The following INSIG2 variants were observed in gnomAD, a reference collection of about 807,000 sequenced individuals.
INSIG2 encodes the protein insulin induced gene 2.
In INSIG2, 10 loss-of-function variants were observed where a neutral mutation model predicts 27.2. That is an observed-to-expected ratio of 0.37 (90% CI 0.23 to 0.62). The LOEUF (loss-of-function observed/expected upper bound fraction) is 0.62. Among genes scored for constraint, INSIG2 ranks in the 20% least tolerant of loss-of-function variants. INSIG2 has a pLI of 0.65. For synonymous variants in INSIG2, 97 were observed against 95.8 expected (o/e 1.01, Z -0.07); for missense variants, 178 against 270.2 (o/e 0.66, Z 2.39).
At chr2:118,098,087 A>G (rs1678453778) in intron 2 of INSIG2, among the ~76,000 whole-genome samples, 1 of 152,248 alleles carries the variant, frequency 6.6e-6, no homozygotes, top group Non-Finnish European at 1.5e-5. Context: ...ATAAAAAACA[A>G]ATTAAATTGT....
At chr2:118,092,934 T>A (rs1231120553) in intron 1 of INSIG2, among the ~76,000 whole-genome samples, 3 of 134,316 alleles carry the variant, frequency 2.2e-5, no homozygotes, top group Non-Finnish European at 4.8e-5. Context: ...AGCAACCAGA[T>A]TATGATGATG....
At chr2:118,089,000 A>C (rs370286062) in intron 1 of INSIG2, among the ~76,000 whole-genome samples, 1 of 152,308 alleles carries the variant, frequency 6.6e-6, no homozygotes, top group African/African-American at 2.4e-5. Flanking sequence ...TAATCCACTA[A>C]GGAGATAGGG....
At chr2:118,095,884 G>T (rs954426805) in intron 1 of INSIG2, among the ~76,000 whole-genome samples, 1 of 152,064 alleles carries the variant, frequency 6.6e-6, no homozygotes, top group Non-Finnish European at 1.5e-5. Flanking sequence ...GTTTTTGTGC[G>T]GATAACCAAA....
Position 118,106,791 on chromosome 2 carries a change from A to G in INSIG2, c.424A>G (p.Ile142Val), listed in dbSNP as rs1678682916. 4 of 1,614,114 alleles carry G rather than the reference A, an allele frequency of 2.5e-6. No homozygotes were observed. The highest frequency in any genetic ancestry group is 3.4e-6 in the Non-Finnish European group (4 of 1,179,954). ...GTCTCTCACACTGGCTGCACTATCC[A>G]TTGGACTGTGGTGGACTTTTGATAG... is the stretch of plus-strand genomic sequence containing the variant. ...QLSLTLAALS[I>V]GLWWTFDRSR... Residue 142 changes from isoleucine (I) to valine (V), a missense_variant, in exon 4 of 6, where the codon ATT becomes GTT. Transcript: ENST00000245787.
At chr2:118,101,518 G>C (rs1678544161) in intron 2 of INSIG2, among the ~76,000 whole-genome samples, 1 of 152,108 alleles carries the variant, frequency 6.6e-6, no homozygotes, top group Non-Finnish European at 1.5e-5. Context: ...AATTGACTTG[G>C]AATGTCTGCT....
At chr2:118,105,967 C>T (rs1327813081) in intron 3 of INSIG2, among the ~76,000 whole-genome samples, 2 of 152,200 alleles carry the variant, frequency 1.3e-5, no homozygotes, top group Middle Eastern at 6.8e-3. Context: ...CTTAATTTTA[C>T]CCAGAGATTT....
Position 118,110,107 on chromosome 2 carries a change from G to T in INSIG2, c.*1785G>T, listed in dbSNP as rs1678777989. On this transcript the variant is annotated 3_prime_UTR_variant, in exon 6 of 6. Transcript: ENST00000245787. ...TAATCTAATGAAATTAACATATGTGGTTGAAGTTACCAAGAAACGATGAAA... is the reference window on the plus strand; with the variant it reads ...TAATCTAATGAAATTAACATATGTGTTTGAAGTTACCAAGAAACGATGAAA... 6.6e-6 allele frequency: 1 copy of T among 152,336 alleles called. No individual in the cohort carries two copies. Among genetic ancestry groups the T allele is most frequent in the South Asian group, 2.1e-4 (1 of 4,822 alleles). 9.4% of individuals were successfully genotyped at this position (152,336 alleles called of 1,614,324 possible).
intron 1 of INSIG2, among the ~76,000 whole-genome samples, chr2:118,094,978 A>T (rs2104525582): frequency 6.6e-6 from 1 of 152,352 alleles, no homozygotes; most frequent in East Asian, 1.9e-4. Context: ...AACCCAATTT[A>T]ATTAAGCAAA....
chr2:118,108,427 T>C lies in INSIG2; in HGVS notation c.*105T>C. On this transcript the variant is annotated 3_prime_UTR_variant, in exon 6 of 6. Transcript: ENST00000245787. ...ACTGTAAAATTGCCAGGATGCAGTT[T>C]TCCCCTTGATTGGCGTGTGTGTATA... is the stretch of plus-strand genomic sequence containing the variant. The C allele has an allele frequency of 2.5e-6, 2 of 788,488 alleles. No homozygotes were observed. Among genetic ancestry groups the C allele is most frequent in the Non-Finnish European group, 4.3e-6 (2 of 462,480 alleles). The allele number at this position is 788,488 out of a possible 1,614,324, so 48.8% of individuals were successfully genotyped here.
intron 1 of INSIG2, 144 bp downstream of exon 1, chr2:118,088,685 A>G (rs1011615235): frequency 3.3e-5 from 5 of 153,084 alleles, no homozygotes; most frequent in Non-Finnish European, 1.5e-5. Flanking sequence ...AGCCAGGACC[A>G]CTGATGGGCC....
At chr2:118,103,566 T>TA (rs1432324517) in intron 3 of INSIG2, among the ~76,000 whole-genome samples, 1 of 152,248 alleles carries the variant, frequency 6.6e-6, no homozygotes, top group Non-Finnish European at 1.5e-5. Flanking sequence ...TTGAAAACTT[T>TA]ACTTGTTTTT....
At chr2:118,093,029 AGGAGGAGG>A in intron 1 of INSIG2, among the ~76,000 whole-genome samples, 2 of 143,010 alleles carry the variant, frequency 1.4e-5, no homozygotes, top group Admixed American at 7.0e-5. Flanking sequence ...GAGGAGGAGG[AGGAGGAGG>A]AGGAGAGTTC....
At chr2:118,097,620 G>GAT (rs1239229572) in intron 2 of INSIG2, among the ~76,000 whole-genome samples, 1 of 152,126 alleles carries the variant, frequency 6.6e-6, no homozygotes, top group Non-Finnish European at 1.5e-5. Context: ...TTCCACAATG[G>GAT]ATAGCACTTT....
chr2:118,102,507 A>C (rs948863368), intron 2 of INSIG2: 7 of 152,164 alleles, frequency 4.6e-5, no homozygotes, highest in Non-Finnish European at 1.0e-4. Context: ...TGTTTCCTCC[A>C]TTGTTTCTAT....
At chr2:118,103,418 T>C (rs1678598577) in intron 3 of INSIG2, 97 bp downstream of exon 3, 1 of 1,001,228 alleles carries the variant, frequency 1.0e-6, no homozygotes, top group East Asian at 2.4e-5. Context: ...TGTCAAATTA[T>C]GATATGCCCA....
Position 118,108,574 on chromosome 2 carries a change from A to G in INSIG2, c.*252A>G, listed in dbSNP as rs772476872. The G allele has an allele frequency of 7.2e-5, 23 of 318,210 alleles. No individual in the cohort carries two copies. The highest frequency in any genetic ancestry group is 1.2e-4 in the Non-Finnish European group (21 of 173,106). The allele number at this position is 318,210 out of a possible 1,614,324, so 19.7% of individuals were successfully genotyped here. On this transcript the variant is annotated 3_prime_UTR_variant, in exon 6 of 6. Coordinates refer to ENST00000245787, the MANE Select transcript of INSIG2 (RefSeq NM_016133.4). Reference sequence around the variant, plus strand: ...TAACTGTAAGATATATATGTACTACATTAAAAAGTGTTGATTAATAGATGA... The same window carrying G: ...TAACTGTAAGATATATATGTACTACGTTAAAAAGTGTTGATTAATAGATGA...
intron 2 of INSIG2, among the ~76,000 whole-genome samples, chr2:118,100,073 T>A (rs9808111): frequency 0.02 from 3,045 of 152,270 alleles, 111 homozygotes; most frequent in African/African-American, 0.07. Context: ...TGCAGCTCCC[T>A]TTGTGTCTGA....
chr2:118,096,983 A>G (rs1678423496), intron 2 of INSIG2, among the ~76,000 whole-genome samples, 183 bp downstream of exon 2: 1 of 152,240 alleles, frequency 6.6e-6, no homozygotes, highest in African/African-American at 2.4e-5. Context: ...GTACAGTCAC[A>G]TGACCACTGC....
At position 118,100,187 on chromosome 2, in the gene INSIG2, A is replaced by C. The variant is rs534575599; in HGVS notation, c.245-3010A>C. 6.8e-3 allele frequency among the ~76,000 whole-genome samples: 1,031 copies of C among 152,008 alleles called. 11 individuals carry two copies. Among genetic ancestry groups the C allele is most frequent in the African/African-American group, 0.023 (966 of 41,426 alleles). ...CTATTTCTGCGCCATTTACTGCTGAATGCTCCTGCCTCAAGGGTCACCTCT... is the reference window on the plus strand; with the variant it reads ...CTATTTCTGCGCCATTTACTGCTGACTGCTCCTGCCTCAAGGGTCACCTCT... On this transcript the variant is annotated intron_variant, in intron 2 of 5. Transcript: ENST00000245787.
Sources: allele counts gnomAD v4.1 joint callset (sites outside exome capture counted in the v4.1 genomes callset), GRCh38; gene constraint gnomAD v4.1.1; transcripts MANE v1.5; gene names NCBI Gene and HGNC (gene_info 2026-07-23, HGNC 2026-07-21).